VWA3B: variants seen among roughly 807,000 people sequenced by gnomAD.
VWA3B encodes the protein von Willebrand factor A domain-containing protein 3B.
A neutral mutation model predicts 158.3 loss-of-function variants in VWA3B; 138 were observed. The ratio of observed to expected loss-of-function variants is 0.87; its 90% CI spans 0.76 to 1.00. The LOEUF (loss-of-function observed/expected upper bound fraction) is 1.00, where lower values mean the gene tolerates loss of function less well. Among genes scored for constraint, VWA3B ranks in the 50% least tolerant of loss-of-function variants. The probability of loss-of-function intolerance (pLI) is 0.00; values close to 1 mark genes in which losing one functional copy is unlikely to be tolerated. For missense variants in VWA3B, 1,555 were observed against 1,565.1 expected (o/e 0.99, Z 0.11); for synonymous variants, 596 against 587.3 (o/e 1.01, Z -0.21).
At chr2:98,276,595 G>A (rs993372682) in intron 22 of VWA3B, among the ~76,000 whole-genome samples, 1 of 152,164 alleles carries the variant, frequency 6.6e-6, no homozygotes, top group African/African-American at 2.4e-5. Flanking sequence ...TGTCCAGAGG[G>A]CTGTGGCCAC....
chr2:98,179,090 T>A (rs907020371), intron 8 of VWA3B, among the ~76,000 whole-genome samples: 1 of 152,070 alleles, frequency 6.6e-6, no homozygotes, highest in African/African-American at 2.4e-5. Flanking sequence ...CCATAAATAC[T>A]CCCACCATGG....
intron 1 of VWA3B, among the ~76,000 whole-genome samples, chr2:98,091,806 T>C (rs973446292): frequency 1.3e-5 from 2 of 152,180 alleles, no homozygotes; most frequent in African/African-American, 4.8e-5. Flanking sequence ...TGTTAAAAAG[T>C]TTTACAATTC....
chr2:98,286,255 C>CTATT (rs1019814923), intron 22 of VWA3B, among the ~76,000 whole-genome samples: 1 of 151,990 alleles, frequency 6.6e-6, no homozygotes, highest in Non-Finnish European at 1.5e-5. Context: ...CTGGAGACAC[C>CTATT]TATTTATTTA....
intron 7 of VWA3B, among the ~76,000 whole-genome samples, chr2:98,152,038 G>A (rs1677679195): frequency 6.6e-6 from 1 of 152,236 alleles, no homozygotes; most frequent in Non-Finnish European, 1.5e-5. Flanking sequence ...GAACAAGGGA[G>A]TGAATACTGT....
At chr2:98,139,841 C>T (rs1306736418) in intron 7 of VWA3B, among the ~76,000 whole-genome samples, 1 of 152,044 alleles carries the variant, frequency 6.6e-6, no homozygotes, top group African/African-American at 2.4e-5. Context: ...AGTGGTAACC[C>T]CCTCAGGTCC....
Position 98,284,310 on chromosome 2 carries a change from G to A in VWA3B, c.3046-6201G>A, listed in dbSNP as rs188266699. Among the ~76,000 whole-genome samples, 46 of 152,126 alleles carry A rather than the reference G, an allele frequency of 3.0e-4. 1 individual carries two copies. The highest frequency in any genetic ancestry group is 1.7e-3 in the South Asian group (8 of 4,824). ...CTCTGAGGTTATAAACCGTATTTCC[G>A]CTTATTTTAATGAACCTAAAAAGCA... is the stretch of plus-strand genomic sequence containing the variant. On this transcript the variant is annotated intron_variant, in intron 22 of 27. Transcript: ENST00000477737.
chr2:98,308,587 G>T (rs1690678867), intron 26 of VWA3B, among the ~76,000 whole-genome samples: 1 of 151,950 alleles, frequency 6.6e-6, no homozygotes, highest in Non-Finnish European at 1.5e-5. Flanking sequence ...TCCTTCCCTG[G>T]CTGCCTCCCC....
chr2:98,220,914 G>A (rs989106312), intron 14 of VWA3B, among the ~76,000 whole-genome samples: 7 of 152,006 alleles, frequency 4.6e-5, no homozygotes, highest in East Asian at 1.9e-4. Flanking sequence ...AGTGGGAGCC[G>A]AACAATGAGA....
intron 8 of VWA3B, among the ~76,000 whole-genome samples, chr2:98,170,395 T>C (rs777219929): frequency 5.3e-5 from 8 of 152,166 alleles, no homozygotes; most frequent in Non-Finnish European, 1.0e-4. Flanking sequence ...AATACCAAAT[T>C]CAGTTTCAAA....
At chr2:98,292,767 C>T (rs528467241) in intron 23 of VWA3B, among the ~76,000 whole-genome samples, 2 of 152,144 alleles carry the variant, frequency 1.3e-5, no homozygotes, top group African/African-American at 4.8e-5. Context: ...GAGTTTGAGA[C>T]CAGCCTGACC....
At position 98,241,160 on chromosome 2, in the gene VWA3B, G is replaced by A. The variant is rs181628296; in HGVS notation, c.2673+4430G>A. The stretch of plus-strand genomic sequence containing the variant: ...CTAGTGGCATCGGAGTTCAGACCCA[G>A]GGGAAGAGAAGGAGTTATGAAGGTG... On this transcript the variant is annotated intron_variant, in intron 19 of 27. Transcript: ENST00000477737. 2.8e-3 allele frequency among the ~76,000 whole-genome samples: 419 copies of A among 152,248 alleles called. 5 individuals are homozygous for A. The highest frequency in any genetic ancestry group is 9.1e-3 in the African/African-American group (379 of 41,496).
chr2:98,144,463 T>A (rs1677018542), intron 7 of VWA3B, among the ~76,000 whole-genome samples: 1 of 152,222 alleles, frequency 6.6e-6, no homozygotes, highest in Non-Finnish European at 1.5e-5. Context: ...TTTGGTTTCC[T>A]GAGTTCTCTC....
intron 7 of VWA3B, among the ~76,000 whole-genome samples, chr2:98,157,720 C>T (rs1047794439): frequency 6.6e-6 from 1 of 152,236 alleles, no homozygotes; most frequent in Non-Finnish European, 1.5e-5. Flanking sequence ...GTCAGGCAGA[C>T]TGCAAGCTCG....
chr2:98,135,288 C>T (rs1676175077), intron 7 of VWA3B, among the ~76,000 whole-genome samples: 1 of 151,664 alleles, frequency 6.6e-6, no homozygotes, highest in African/African-American at 2.4e-5. Context: ...TCTTACCAAC[C>T]CTTTGAAGCA....
chr2:98,164,588 G>A (rs1460155706), intron 8 of VWA3B, among the ~76,000 whole-genome samples: 6 of 152,212 alleles, frequency 3.9e-5, no homozygotes, highest in South Asian at 4.1e-4. Context: ...GCTAGCAAAC[G>A]TAGTCTGATT....
chr2:98,223,266 C>T (rs62156675), intron 14 of VWA3B, among the ~76,000 whole-genome samples: 1 of 113,430 alleles, frequency 8.8e-6, no homozygotes, highest in Admixed American at 9.6e-5. Flanking sequence ...AAGGTCAGAA[C>T]AACAAAATTC....
chr2:98,280,963 ACTT>A (rs1688844048), intron 22 of VWA3B, among the ~76,000 whole-genome samples: 2 of 152,098 alleles, frequency 1.3e-5, no homozygotes, highest in South Asian at 4.1e-4. Flanking sequence ...TTAGAGCTTC[ACTT>A]CTTTAGCACA....
At chr2:98,169,983 T>C (rs1421070736) in intron 8 of VWA3B, among the ~76,000 whole-genome samples, 4 of 151,938 alleles carry the variant, frequency 2.6e-5, no homozygotes, top group African/African-American at 9.7e-5. Flanking sequence ...TAGCCAGGCA[T>C]GATGGTGCGC....
At chr2:98,279,893 C>T (rs781563452) in intron 22 of VWA3B, among the ~76,000 whole-genome samples, 3 of 151,808 alleles carry the variant, frequency 2.0e-5, no homozygotes, top group Non-Finnish European at 4.4e-5. Flanking sequence ...AAGGGGGATG[C>T]GTGAGTGGGG....
Sources: allele counts gnomAD v4.1 joint callset (sites outside exome capture counted in the v4.1 genomes callset), GRCh38; gene constraint gnomAD v4.1.1; transcripts MANE v1.5; gene names NCBI Gene and HGNC (gene_info 2026-07-23, HGNC 2026-07-21).